The following ARFGAP3 variants were observed in gnomAD, a reference collection of about 807,000 sequenced individuals.
The protein encoded by ARFGAP3 is ADP-ribosylation factor GTPase-activating protein 3.
A neutral mutation model predicts 75.0 loss-of-function variants in ARFGAP3; 72 were observed. That is an observed-to-expected ratio of 0.96 (90% CI 0.79 to 1.17). The LOEUF (loss-of-function observed/expected upper bound fraction) is 1.17. Ranked by LOEUF, ARFGAP3 falls within the 50% of genes most tolerant of loss-of-function variation. ARFGAP3 has a pLI of 0.00. For missense variants in ARFGAP3, 620 were observed against 626.6 expected (o/e 0.99, Z 0.11); for synonymous variants, 221 against 217.9 (o/e 1.01, Z -0.13).
At chr22:42,833,788 CACCTG>C (rs1196525050) in intron 5 of ARFGAP3, among the ~76,000 whole-genome samples, 1 of 152,108 alleles carries the variant, frequency 6.6e-6, no homozygotes, top group African/African-American at 2.4e-5. Flanking sequence ...TGTTGGTGCG[CACCTG>C]TAGTCCCAGC....
At chr22:42,798,944 T>G (rs1602085141) in intron 15 of ARFGAP3, 95 bp downstream of exon 15, 1 of 1,023,828 alleles carries the variant, frequency 9.8e-7, no homozygotes, top group Non-Finnish European at 1.5e-6. Context: ...TAATATATAA[T>G]TGAATTTTCC....
intron 1 of ARFGAP3, among the ~76,000 whole-genome samples, chr22:42,852,516 C>T (rs766826648): frequency 2.6e-5 from 4 of 150,978 alleles, no homozygotes; most frequent in African/African-American, 7.3e-5. Context: ...CATGGCACCA[C>T]GCCTGGCTAA....
intron 2 of ARFGAP3, among the ~76,000 whole-genome samples, chr22:42,846,597 T>C (rs1207137862): frequency 6.6e-5 from 10 of 152,214 alleles, no homozygotes; most frequent in African/African-American, 2.4e-4. Flanking sequence ...AAGACCTTCA[T>C]GTTATAAACA....
Position 42,817,197 on chromosome 22 carries a change from G to T in ARFGAP3, c.1009C>A (p.Pro337Thr). 1.2e-6 allele frequency: 2 copies of T among 1,613,452 alleles called. No individual in the cohort carries two copies. Among genetic ancestry groups the T allele is most frequent in the Middle Eastern group, 1.7e-4 (1 of 6,056 alleles). ...IEQESPIMAKPRKKYNDDSDD... is the reference protein window; with the variant it reads ...IEQESPIMAKTRKKYNDDSDD... ...CTGTCATCATTATACTTTTTTCTTG[G>T]TTTTGCCATAATGGGTGATTCCTGC... Residue 337 changes from proline (P) to threonine (T), a missense_variant, in exon 11 of 16, where the codon CCA becomes ACA. Physicochemically the swap from Pro to Thr is conservative, Grantham distance 38. Transcript: ENST00000263245.
At chr22:42,818,728 A>G (rs1446623706) in intron 9 of ARFGAP3, among the ~76,000 whole-genome samples, 1 of 151,344 alleles carries the variant, frequency 6.6e-6, no homozygotes, top group Non-Finnish European at 1.5e-5. Context: ...CATGTAAAAT[A>G]CCATGAATTC....
chr22:42,797,781 G>C, intron 15 of ARFGAP3, 176 bp from the exon 16 acceptor site: 1 of 979,824 alleles, frequency 1.0e-6, no homozygotes, highest in Non-Finnish European at 1.2e-6. Flanking sequence ...CAGCTTCAAG[G>C]CTGAGGGTAG....
At chr22:42,849,627 G>A (rs1256237942) in intron 1 of ARFGAP3, among the ~76,000 whole-genome samples, 2 of 149,196 alleles carry the variant, frequency 1.3e-5, no homozygotes, top group African/African-American at 2.5e-5. Context: ...GCAGTGGCAC[G>A]GTCCTAGCTC....
At chr22:42,856,354 A>G (rs1157243452) in intron 1 of ARFGAP3, among the ~76,000 whole-genome samples, 2 of 152,188 alleles carry the variant, frequency 1.3e-5, no homozygotes, top group Non-Finnish European at 2.9e-5. Flanking sequence ...AGGGGCGGGG[A>G]GAGCCCACGC....
intron 14 of ARFGAP3, among the ~76,000 whole-genome samples, chr22:42,804,601 C>T (rs1215817928): frequency 6.6e-6 from 1 of 151,876 alleles, no homozygotes; most frequent in African/African-American, 2.4e-5. Context: ...AGGCTGGTCT[C>T]GATCTCTTGA....
intron 2 of ARFGAP3, among the ~76,000 whole-genome samples, chr22:42,844,205 GT>G (rs1307606469): frequency 1.0e-3 from 66 of 65,114 alleles, no homozygotes; most frequent in African/African-American, 2.2e-3. Flanking sequence ...TTTGGTGGTG[GT>G]TGTTGTTGTT....
At chr22:42,843,666 G>A (rs937870008) in intron 2 of ARFGAP3, among the ~76,000 whole-genome samples, 1 of 152,188 alleles carries the variant, frequency 6.6e-6, no homozygotes, top group Non-Finnish European at 1.5e-5. Context: ...TAACTTTGCA[G>A]TCTATCTTCT....
In ARFGAP3 at chr22:42,835,526, G is replaced by C. The variant is rs150744574; in HGVS notation, c.262-33C>G. On this transcript the variant is annotated intron_variant, in intron 3 of 15. Transcript: ENST00000263245. ...GAAAAGCATGCACATTAATATTTTCGTAAAACTACGTATGGCCAGGCGCAG... is the reference window on the plus strand; with the variant it reads ...GAAAAGCATGCACATTAATATTTTCCTAAAACTACGTATGGCCAGGCGCAG... 3,786 of 1,609,174 alleles carry C rather than the reference G, an allele frequency of 2.4e-3. 4 individuals are homozygous for C. Among genetic ancestry groups the C allele is most frequent in the Non-Finnish European group, 3.0e-3 (3,519 of 1,177,594 alleles).
chr22:42,808,541 C>G (rs1472201843), intron 13 of ARFGAP3, among the ~76,000 whole-genome samples: 1 of 152,088 alleles, frequency 6.6e-6, no homozygotes, highest in Non-Finnish European at 1.5e-5. Context: ...AGGAATAAGA[C>G]AACTGTGAGA....
At chr22:42,798,075 C>T (rs550258353) in intron 15 of ARFGAP3, among the ~76,000 whole-genome samples, 2 of 152,332 alleles carry the variant, frequency 1.3e-5, no homozygotes, top group South Asian at 4.1e-4. Flanking sequence ...AGGGAGCCAT[C>T]TCTAAAATGG....
At chr22:42,802,001 A>T in intron 14 of ARFGAP3, among the ~76,000 whole-genome samples, 1 of 152,146 alleles carries the variant, frequency 6.6e-6, no homozygotes, top group African/African-American at 2.4e-5. Flanking sequence ...GAGGCTGGAA[A>T]GGCCAGTGGG....
chr22:42,841,188 G>A (rs1246525074), intron 2 of ARFGAP3, 172 bp from the exon 3 acceptor site: 2 of 824,322 alleles, frequency 2.4e-6, no homozygotes, highest in South Asian at 5.6e-5. Flanking sequence ...GATGATGGTT[G>A]GCGTGAGCAA....
chr22:42,847,158 T>A (rs937022974), intron 2 of ARFGAP3: 1 of 189,124 alleles, frequency 5.3e-6, no homozygotes, highest in Non-Finnish European at 1.1e-5. Context: ...GAAAATCACA[T>A]TTCTTTCTTT....
chr22:42,835,343 C>A lies in ARFGAP3; in HGVS notation c.393+19G>T. 3 of 1,611,296 alleles carry A rather than the reference C, an allele frequency of 1.9e-6. No individual in the cohort carries two copies. Among genetic ancestry groups the A allele is most frequent in the Non-Finnish European group, 2.5e-6 (3 of 1,178,938 alleles). On this transcript the variant is annotated intron_variant, in intron 4 of 15. Coordinates refer to ENST00000263245, the MANE Select transcript of ARFGAP3 (RefSeq NM_014570.5). ...TGAACATGTATCTAAAGGAAACAAT[C>A]CAGCCTCCAGTGACTTACATCAGTG...
intron 7 of ARFGAP3, 162 bp from the exon 8 acceptor site, chr22:42,823,864 T>C: frequency 1.6e-6 from 1 of 611,616 alleles, no homozygotes; most frequent in Non-Finnish European, 2.1e-6. Context: ...AAGCATATTT[T>C]GGATTAACAG....
Sources: allele counts gnomAD v4.1 joint callset (sites outside exome capture counted in the v4.1 genomes callset), GRCh38; gene constraint gnomAD v4.1.1; transcripts MANE v1.5; gene names NCBI Gene and HGNC (gene_info 2026-07-23, HGNC 2026-07-21).